Variants in WWOX observed in about 807,000 individuals in gnomAD.
WWOX encodes WW domain-containing oxidoreductase.
A neutral mutation model predicts 46.2 loss-of-function variants in WWOX; 69 were observed. The ratio of observed to expected loss-of-function variants is 1.49; its 90% CI spans 1.23 to 1.82. The LOEUF (loss-of-function observed/expected upper bound fraction) is 1.82, where lower values mean the gene tolerates loss of function less well. Ranked by LOEUF, WWOX falls within the 40% of genes most tolerant of loss-of-function variation. WWOX has a pLI of 0.00. For missense variants in WWOX, 919 were observed against 542.6 expected (o/e 1.69, Z -6.89); for synonymous variants, 359 against 202.6 (o/e 1.77, Z -6.56).
intron 8 of WWOX, among the ~76,000 whole-genome samples, chr16:78,605,332 A>C (rs1048432367): frequency 6.6e-6 from 1 of 151,402 alleles, no homozygotes; most frequent in African/African-American, 2.4e-5. Flanking sequence ...TATATAATCA[A>C]TATTTAGTGA....
intron 8 of WWOX, among the ~76,000 whole-genome samples, chr16:78,463,186 A>C (rs927016526): frequency 4.6e-5 from 7 of 152,238 alleles, no homozygotes; most frequent in Non-Finnish European, 1.5e-5. Context: ...AACAGGCAGC[A>C]CTGAGGAATT....
At chr16:78,292,039 TTATGA>T (rs2079867625) in intron 5 of WWOX, among the ~76,000 whole-genome samples, 1 of 151,642 alleles carries the variant, frequency 6.6e-6, no homozygotes, top group African/African-American at 2.4e-5. Flanking sequence ...TTTGTATGGC[TTATGA>T]GATGAGGATG....
chr16:78,963,551 G>A (rs1165247785), intron 8 of WWOX, among the ~76,000 whole-genome samples: 1 of 152,174 alleles, frequency 6.6e-6, no homozygotes, highest in African/African-American at 2.4e-5. Flanking sequence ...AAGCAGGTGT[G>A]TCATCCTTGA....
intron 8 of WWOX, among the ~76,000 whole-genome samples, chr16:78,566,293 G>C (rs535851215): frequency 6.6e-6 from 1 of 152,190 alleles, no homozygotes; most frequent in Admixed American, 6.5e-5. Context: ...TGGGGGAGCT[G>C]GGGAGAGGAA....
At chr16:78,942,256 C>G (rs1458541353) in intron 8 of WWOX, among the ~76,000 whole-genome samples, 12 of 152,114 alleles carry the variant, frequency 7.9e-5, no homozygotes, top group Non-Finnish European at 1.5e-4. Flanking sequence ...TTAAATAATT[C>G]TAGTTGTTCC....
intron 8 of WWOX, among the ~76,000 whole-genome samples, chr16:79,123,241 C>G (rs922842984): frequency 6.6e-6 from 1 of 152,016 alleles, no homozygotes; most frequent in Admixed American, 6.6e-5. Flanking sequence ...AATTGCCTGA[C>G]TCTGTCCTCG....
At chr16:78,406,125 C>G (rs9936579) in intron 6 of WWOX, among the ~76,000 whole-genome samples, 40,218 of 150,924 alleles carry the variant, frequency 0.27, 10,606 homozygotes, top group African/African-American at 0.68. Context: ...ATCTTGCAGT[C>G]TTGCTTTCTC....
Position 78,375,101 on chromosome 16 carries a change from G to T in WWOX, c.517-11759G>T, listed in dbSNP as rs923336070. Among the ~76,000 whole-genome samples the T allele has an allele frequency of 4.6e-5, 7 of 152,298 alleles. 1 individual carries two copies. In the South Asian group the frequency reaches 1.2e-3, roughly 27 times the overall value. On this transcript the variant is annotated intron_variant, in intron 5 of 8. Coordinates refer to ENST00000566780, the MANE Select transcript of WWOX (RefSeq NM_016373.4). ...GAAGCACATTTAAAAATATTTTCCAGTTTATCTATTAAACATCCTCCTTTG... is the reference window on the plus strand; with the variant it reads ...GAAGCACATTTAAAAATATTTTCCATTTTATCTATTAAACATCCTCCTTTG...
chr16:78,508,832 A>G (rs2085283572), intron 8 of WWOX, among the ~76,000 whole-genome samples: 1 of 152,176 alleles, frequency 6.6e-6, no homozygotes, highest in African/African-American at 2.4e-5. Flanking sequence ...AGGGGTGATT[A>G]CTGTTTCCTC....
chr16:78,474,168 T>G (rs7195680), intron 8 of WWOX, among the ~76,000 whole-genome samples: 8,168 of 152,306 alleles, frequency 0.054, 512 homozygotes, highest in African/African-American at 0.15. Context: ...GCTGAAATTT[T>G]AAGTGTTAAC....
chr16:78,917,652 G>A (rs1045414052), intron 8 of WWOX, among the ~76,000 whole-genome samples: 1 of 151,962 alleles, frequency 6.6e-6, no homozygotes, highest in Admixed American at 6.6e-5. Context: ...CTTATAACTT[G>A]CCATTTAATA....
intron 5 of WWOX, among the ~76,000 whole-genome samples, chr16:78,376,896 C>A (rs553343240): frequency 2.0e-5 from 3 of 152,330 alleles, no homozygotes; most frequent in African/African-American, 7.2e-5. Context: ...CCCAAGTCCA[C>A]CGTGTGGAAT....
intron 8 of WWOX, among the ~76,000 whole-genome samples, chr16:78,839,332 A>G (rs971026084): frequency 6.6e-6 from 1 of 152,076 alleles, no homozygotes; most frequent in Non-Finnish European, 1.5e-5. Context: ...ACATCTAACT[A>G]TCCCCTGGCT....
chr16:78,871,205 G>A (rs1186891113), intron 8 of WWOX, among the ~76,000 whole-genome samples: 21 of 150,476 alleles, frequency 1.4e-4, no homozygotes, highest in Admixed American at 1.3e-3. Context: ...GGCAATCAGG[G>A]GTAAAAACCC....
intron 8 of WWOX, among the ~76,000 whole-genome samples, chr16:78,962,712 C>T (rs574411910): frequency 3.9e-5 from 6 of 152,106 alleles, no homozygotes; most frequent in Non-Finnish European, 7.3e-5. Context: ...TGAACTCATA[C>T]TTATTTATAC....
intron 8 of WWOX, among the ~76,000 whole-genome samples, chr16:78,494,482 AC>A (rs2084861455): frequency 4.8e-5 from 3 of 62,262 alleles, no homozygotes; most frequent in Non-Finnish European, 1.6e-4. Flanking sequence ...TGATACAAAC[AC>A]AAGCATTAAG....
At chr16:78,910,835 G>A (rs1475416887) in intron 8 of WWOX, among the ~76,000 whole-genome samples, 1 of 151,832 alleles carries the variant, frequency 6.6e-6, no homozygotes, top group Non-Finnish European at 1.5e-5. Context: ...CCCATGACGT[G>A]GGAATTATGG....
intron 8 of WWOX, among the ~76,000 whole-genome samples, chr16:78,954,140 A>T (rs1013460924): frequency 6.6e-6 from 1 of 152,190 alleles, no homozygotes; most frequent in African/African-American, 2.4e-5. Context: ...CTGCCATAAA[A>T]ATGTCTGTCA....
rs1173123535 is a variant in WWOX, at chr16:78,131,854, G to A, written c.409+16700G>A. ...CTACGTCGGCCTCCCAAAGTGCTGG[G>A]ATTACAGGCGTGAGCCACCGCGCCT... On this transcript the variant is annotated intron_variant, in intron 4 of 8. Coordinates refer to ENST00000566780, the MANE Select transcript of WWOX (RefSeq NM_016373.4). Among the ~76,000 whole-genome samples, 6 of 151,330 alleles carry A rather than the reference G, an allele frequency of 4.0e-5. No homozygotes were observed. The South Asian group carries it at 8.3e-4, about 21-fold the overall frequency.
Sources: allele counts gnomAD v4.1 joint callset (sites outside exome capture counted in the v4.1 genomes callset), GRCh38; gene constraint gnomAD v4.1.1; transcripts MANE v1.5; gene names NCBI Gene and HGNC (gene_info 2026-07-23, HGNC 2026-07-21).